SORCS2: variants seen among roughly 807,000 people sequenced by gnomAD.
SORCS2 encodes sortilin related VPS10 domain containing receptor 2.
In SORCS2, 100 loss-of-function variants were observed where a neutral mutation model predicts 141.6. The ratio of observed to expected loss-of-function variants is 0.71; its 90% CI spans 0.60 to 0.83. SORCS2 has a LOEUF of 0.83. Ranked by LOEUF, SORCS2 falls within the 40% of genes least tolerant of loss-of-function variation. The pLI is 0.00. For synonymous variants in SORCS2, 789 were observed against 676.9 expected, an observed-to-expected ratio of 1.17 and a Z score of -2.57; for missense variants, 1,646 against 1,560.2, an observed-to-expected ratio of 1.05 and a Z score of -0.93.
chr4:7,702,633 G>C (rs1167812839), intron 12 of SORCS2, among the ~76,000 whole-genome samples: 1 of 152,246 alleles, frequency 6.6e-6, no homozygotes, highest in African/African-American at 2.4e-5. Flanking sequence ...TGTCCCTTGG[G>C]GATCTGGTGG....
intron 1 of SORCS2, among the ~76,000 whole-genome samples, chr4:7,220,594 C>G (rs1052282192): frequency 1.3e-5 from 2 of 152,120 alleles, no homozygotes; most frequent in African/African-American, 4.8e-5. Flanking sequence ...TTGATTCAGG[C>G]AAGGGGCTGC....
intron 3 of SORCS2, among the ~76,000 whole-genome samples, chr4:7,597,524 CA>C (rs796754931): frequency 1.2e-4 from 13 of 106,368 alleles, no homozygotes; most frequent in African/African-American, 5.0e-4. Context: ...AGAGGTTACA[CA>C]ATGGCGGGGG....
At chr4:7,727,942 A>C (rs1242900703) in intron 21 of SORCS2, among the ~76,000 whole-genome samples, 1 of 152,228 alleles carries the variant, frequency 6.6e-6, no homozygotes, top group Non-Finnish European at 1.5e-5. Flanking sequence ...TGGATCCCTG[A>C]TGGATGAGAG....
intron 26 of SORCS2, among the ~76,000 whole-genome samples, chr4:7,737,505 C>T (rs374226484): frequency 4.6e-5 from 7 of 152,196 alleles, no homozygotes; most frequent in Non-Finnish European, 8.8e-5. Context: ...AAGCCTGACT[C>T]GGGCCTCAGG....
chr4:7,738,798 T>C (rs1712412448), intron 26 of SORCS2, among the ~76,000 whole-genome samples: 1 of 152,150 alleles, frequency 6.6e-6, no homozygotes, highest in African/African-American at 2.4e-5. Context: ...CCCCAAAGCC[T>C]GTGACCTTCA....
At chr4:7,316,395 G>A (rs912905988) in intron 1 of SORCS2, among the ~76,000 whole-genome samples, 2 of 152,196 alleles carry the variant, frequency 1.3e-5, no homozygotes, top group African/African-American at 2.4e-5. Flanking sequence ...TTCATTCCAT[G>A]AACTTCCATT....
At chr4:7,639,634 T>C (rs1346553267) in intron 4 of SORCS2, among the ~76,000 whole-genome samples, 1 of 150,814 alleles carries the variant, frequency 6.6e-6, no homozygotes, top group Non-Finnish European at 1.5e-5. Flanking sequence ...TGTGGGTGTG[T>C]GGGAGTGTGT....
intron 1 of SORCS2, among the ~76,000 whole-genome samples, chr4:7,240,525 C>T (rs976434537): frequency 7.2e-5 from 11 of 152,086 alleles, no homozygotes; most frequent in South Asian, 2.1e-4. Flanking sequence ...AACGTTTCCC[C>T]GTCCTCGTGG....
Position 7,192,725 on chromosome 4 carries a change from C to T in SORCS2, c.79C>T (p.Pro27Ser), listed in dbSNP as rs970393286. 903 of 990,754 alleles carry T rather than the reference C, an allele frequency of 9.1e-4. 7 individuals are homozygous for T. In the African/African-American group the frequency reaches 0.015, roughly 17 times the overall value. The allele number at this position is 990,754 out of a possible 1,614,324, so 61.4% of individuals were successfully genotyped here. ...AGCCCCGAGCCCCGGGGCTCCGCCG[C>T]CGCCGCGCTCGCCGCGCTCGCGGCC... ...ARAPSPGAPP[P>S]PRSPRSRPLL... The change falls in exon 1 of 27, where the codon CCG (proline) becomes TCG (serine). Residue 27 changes from proline to serine, a missense_variant. Coordinates refer to ENST00000507866, the MANE Select transcript of SORCS2 (RefSeq NM_020777.3). This position sits in a 1 kb window ranked among gnomAD's most constrained non-coding sequence, Gnocchi z 4.0.
intron 19 of SORCS2, among the ~76,000 whole-genome samples, chr4:7,724,427 TGGTG>T (rs2148878807): frequency 7.2e-6 from 1 of 138,812 alleles, no homozygotes; most frequent in African/African-American, 2.7e-5. Flanking sequence ...TGGATGGTGG[TGGTG>T]ATAATGGTGA....
chr4:7,249,774 T>C (rs1158649419), intron 1 of SORCS2, among the ~76,000 whole-genome samples: 1 of 152,156 alleles, frequency 6.6e-6, no homozygotes, highest in African/African-American at 2.4e-5. Context: ...TCCTGCGGTA[T>C]TGACATGTGC....
At chr4:7,379,704 G>A (rs3864220) in intron 1 of SORCS2, among the ~76,000 whole-genome samples, 27,604 of 152,128 alleles carry the variant, frequency 0.18, 3,122 homozygotes, top group East Asian at 0.58. Context: ...TGGCTTTTTA[G>A]ATTCGTTCTC....
At chr4:7,255,082 T>G (rs1713763002) in intron 1 of SORCS2, among the ~76,000 whole-genome samples, 1 of 151,784 alleles carries the variant, frequency 6.6e-6, no homozygotes, top group Non-Finnish European at 1.5e-5. Flanking sequence ...TGTGACAGAG[T>G]CCAGAAGGCA....
chr4:7,407,157 T>G (rs925284481), intron 2 of SORCS2, among the ~76,000 whole-genome samples: 1 of 152,082 alleles, frequency 6.6e-6, no homozygotes, highest in Non-Finnish European at 1.5e-5. Flanking sequence ...AGCATTTGGG[T>G]GAAATGTTCC....
At chr4:7,654,415 C>T (rs1286326802) in intron 5 of SORCS2, among the ~76,000 whole-genome samples, 3 of 152,326 alleles carry the variant, frequency 2.0e-5, no homozygotes, top group Middle Eastern at 3.4e-3. Context: ...CTTCCTGCTC[C>T]GCATTGGGTG....
intron 1 of SORCS2, among the ~76,000 whole-genome samples, chr4:7,325,899 G>A (rs993998806): frequency 2.6e-5 from 4 of 152,210 alleles, no homozygotes; most frequent in Non-Finnish European, 5.9e-5. Flanking sequence ...GGCGGGCGGG[G>A]CGGAGTTGGG....
intron 2 of SORCS2, among the ~76,000 whole-genome samples, chr4:7,475,471 A>C (rs975517555): frequency 6.6e-6 from 1 of 152,176 alleles, no homozygotes; most frequent in African/African-American, 2.4e-5. Flanking sequence ...CTCCCTGTGC[A>C]GCAGCCACAG....
At chr4:7,706,562 A>G (rs113989809) in intron 14 of SORCS2, among the ~76,000 whole-genome samples, 124 of 55,822 alleles carry the variant, frequency 2.2e-3, no homozygotes, top group East Asian at 9.9e-3. Context: ...CTCTGCCTGG[A>G]CAGACATGAG....
intron 3 of SORCS2, among the ~76,000 whole-genome samples, chr4:7,606,593 G>A (rs143274611): frequency 2.0e-3 from 297 of 152,130 alleles, no homozygotes; most frequent in African/African-American, 6.7e-3. Flanking sequence ...AGGGAGGTGC[G>A]TCCTGTGCCT....
Sources: allele counts gnomAD v4.1 joint callset (sites outside exome capture counted in the v4.1 genomes callset), GRCh38; gene constraint gnomAD v4.1.1; non-coding constraint Gnocchi (gnomAD v3.1); transcripts MANE v1.5; gene names NCBI Gene and HGNC (gene_info 2026-07-23, HGNC 2026-07-21).